The following KCNS3 variants were observed in gnomAD, a reference collection of about 807,000 sequenced individuals.
The protein encoded by KCNS3 is delayed-rectifier potassium channel regulatory subunit KCNS3.
Under a neutral mutation model 31.0 loss-of-function variants are expected in KCNS3, and 13 were observed. That is an observed-to-expected ratio of 0.42 (90% confidence interval 0.27 to 0.67). The LOEUF is 0.67. KCNS3 is among the 30% of genes least tolerant of loss of function. The pLI is 0.25. For missense variants in KCNS3, 545 were observed against 622.4 expected (o/e 0.88, Z 1.32); for synonymous variants, 238 against 241.5 (o/e 0.99, Z 0.13).
chr2:17,882,873 T>TC lies in KCNS3; in HGVS notation c.-252+4068dup, dbSNP rs202190630. Among the ~76,000 whole-genome samples the TC allele has an allele frequency of 2.9e-3, 449 of 152,284 alleles. 6 individuals are homozygous for TC. Among genetic ancestry groups the TC allele is most frequent in the African/African-American group, 9.9e-3 (413 of 41,560 alleles). On this transcript the variant is annotated intron_variant, in intron 1 of 2. Transcript: ENST00000304101. ...CATATCTGCACATTATACTTTTTTT[T>TC]CACAGTTGTTAAGAGGATCAAAATC...
intron 1 of KCNS3, among the ~76,000 whole-genome samples, chr2:17,914,355 G>A (rs2125247154): frequency 6.6e-6 from 1 of 152,318 alleles, no homozygotes; most frequent in South Asian, 2.1e-4. Context: ...ACAAAGGGAA[G>A]TCTTTGGGGA....
At chr2:17,909,253 A>C (rs895063163) in intron 1 of KCNS3, among the ~76,000 whole-genome samples, 2 of 152,216 alleles carry the variant, frequency 1.3e-5, no homozygotes, top group Non-Finnish European at 2.9e-5. Flanking sequence ...GGGACCCTCC[A>C]AGCCATGCAT....
chr2:17,916,591 A>G (rs966499798), intron 1 of KCNS3, among the ~76,000 whole-genome samples: 1 of 152,162 alleles, frequency 6.6e-6, no homozygotes, highest in Non-Finnish European at 1.5e-5. Flanking sequence ...GTGCTGAAGG[A>G]TTGCTCTGCT....
chr2:17,906,201 G>T (rs1164143076), intron 1 of KCNS3, among the ~76,000 whole-genome samples: 1 of 152,180 alleles, frequency 6.6e-6, no homozygotes, highest in Admixed American at 6.5e-5. Flanking sequence ...GGGTGTATGT[G>T]TCCAGGAATT....
chr2:17,883,916 C>G (rs965273227), intron 1 of KCNS3, among the ~76,000 whole-genome samples: 5 of 152,014 alleles, frequency 3.3e-5, no homozygotes, highest in Non-Finnish European at 7.4e-5. Context: ...CCGTGGAATA[C>G]TATGCAGCCA....
chr2:17,893,397 T>C (rs1661905191), intron 1 of KCNS3, among the ~76,000 whole-genome samples: 1 of 152,346 alleles, frequency 6.6e-6, no homozygotes, highest in Non-Finnish European at 1.5e-5. Context: ...GAAGTCTGCA[T>C]GCCGGATTAG....
At chr2:17,919,965 C>T (rs568279305) in intron 2 of KCNS3, among the ~76,000 whole-genome samples, 5 of 152,222 alleles carry the variant, frequency 3.3e-5, no homozygotes, top group African/African-American at 7.2e-5. Flanking sequence ...ATTCTGTTTA[C>T]GTTTGCTTGG....
At position 17,931,596 on chromosome 2, in the gene KCNS3, G is replaced by T; in HGVS notation, c.588G>T (p.Leu196=). 1 of 1,614,160 alleles carries T rather than the reference G, an allele frequency of 6.2e-7. No individual in the cohort carries two copies. The highest frequency in any genetic ancestry group is 1.1e-5 in the South Asian group (1 of 91,082). Residue 196 remains leucine, a synonymous_variant, in exon 3 of 3, where the codon CTG becomes CTT. Transcript: ENST00000304101. The surrounding 1 kb of genome is among the most constrained non-coding windows in gnomAD (Gnocchi z 5.4). Reference sequence around the variant, plus strand: ...CTATCTCCTCCTTGAGCGTGGTGCTGGCCTCCATCGTGGCCATGTGCGTTC... The same window carrying T: ...CTATCTCCTCCTTGAGCGTGGTGCTTGCCTCCATCGTGGCCATGTGCGTTC... ...LIAISSLSVV[L]ASIVAMCVHS...
intron 2 of KCNS3, among the ~76,000 whole-genome samples, chr2:17,921,914 T>TATATAC (rs1662719988): frequency 3.9e-5 from 1 of 25,486 alleles, no homozygotes. Flanking sequence ...TGTGTGTGTG[T>TATATAC]GTATATATAT....
chr2:17,909,280 G>T (rs1224480440), intron 1 of KCNS3, among the ~76,000 whole-genome samples: 1 of 152,220 alleles, frequency 6.6e-6, no homozygotes, highest in African/African-American at 2.4e-5. Flanking sequence ...TAATCTCCTG[G>T]TGTGCTGTTT....
intron 1 of KCNS3, among the ~76,000 whole-genome samples, chr2:17,899,368 G>A (rs962294384): frequency 2.0e-5 from 3 of 151,802 alleles, no homozygotes; most frequent in African/African-American, 7.3e-5. Flanking sequence ...TTTTGATGTA[G>A]GTACTATTAT....
chr2:17,905,171 T>C (rs1164560826), intron 1 of KCNS3, among the ~76,000 whole-genome samples: 2 of 152,232 alleles, frequency 1.3e-5, no homozygotes, highest in Non-Finnish European at 2.9e-5. Context: ...GAAGAGGTCC[T>C]TCACATCCCT....
chr2:17,891,882 G>A (rs1435450788), intron 1 of KCNS3, among the ~76,000 whole-genome samples: 1 of 152,108 alleles, frequency 6.6e-6, no homozygotes, highest in Non-Finnish European at 1.5e-5. Context: ...TCAGCTTTGG[G>A]TAACCTGTTG....
intron 1 of KCNS3, among the ~76,000 whole-genome samples, chr2:17,910,139 A>G (rs764549282): frequency 3.3e-4 from 50 of 152,252 alleles, no homozygotes; most frequent in Admixed American, 1.3e-4. Flanking sequence ...AGTAAAAGCA[A>G]TTTATGAGTT....
chr2:17,919,966 G>T (rs763482516), intron 2 of KCNS3, among the ~76,000 whole-genome samples: 56 of 152,098 alleles, frequency 3.7e-4, no homozygotes, highest in Non-Finnish European at 7.9e-4. Context: ...TTCTGTTTAC[G>T]TTTGCTTGGT....
intron 1 of KCNS3, among the ~76,000 whole-genome samples, chr2:17,914,242 C>T (rs1255516880): frequency 2.0e-5 from 3 of 152,208 alleles, no homozygotes; most frequent in Non-Finnish European, 4.4e-5. Flanking sequence ...AACTAGCAGA[C>T]AGAGTAGACA....
chr2:17,919,408 G>T (rs1564009), intron 2 of KCNS3: 4 of 151,980 alleles, frequency 2.6e-5, no homozygotes. Flanking sequence ...TATCCTCAAG[G>T]TGGGTTTATA....
chr2:17,908,197 C>T (rs999664592), intron 1 of KCNS3, among the ~76,000 whole-genome samples: 1 of 152,206 alleles, frequency 6.6e-6, no homozygotes, highest in African/African-American at 2.4e-5. Context: ...CTTCTCACTT[C>T]ATTTCATTCA....
intron 1 of KCNS3, among the ~76,000 whole-genome samples, chr2:17,887,805 T>TC (rs1661715222): frequency 6.6e-6 from 1 of 152,178 alleles, no homozygotes; most frequent in Non-Finnish European, 1.5e-5. Context: ...TGTAGAAGTG[T>TC]CCCCTGTTCA....
Sources: gnomAD v4.1 joint callset for allele counts (sites outside exome capture counted in the v4.1 genomes callset) on GRCh38, gnomAD v4.1.1 for gene constraint, Gnocchi (gnomAD v3.1) non-coding constraint, MANE v1.5 for transcripts, NCBI Gene and HGNC (gene_info 2026-07-23, HGNC 2026-07-21) for gene names.